The following SYNE2 variants were observed in gnomAD, a reference collection of about 807,000 sequenced individuals.
The protein encoded by SYNE2 is nesprin-2.
A neutral mutation model predicts 856.3 loss-of-function variants in SYNE2; 431 were observed. That is an observed-to-expected ratio of 0.50 (90% CI 0.47 to 0.55). The LOEUF is 0.55. SYNE2 is among the 20% of genes least tolerant of loss of function. SYNE2 has a pLI of 0.00. For synonymous variants in SYNE2, 2,923 were observed against 2,872.3 expected, an observed-to-expected ratio of 1.02 and a Z score of -0.56; for missense variants, 8,129 against 8,023.2, an observed-to-expected ratio of 1.01 and a Z score of -0.50.
intron 97 of SYNE2, among the ~76,000 whole-genome samples, chr14:64,188,203 T>C (rs2098501356): frequency 6.6e-6 from 1 of 152,238 alleles, no homozygotes; most frequent in African/African-American, 2.4e-5. Flanking sequence ...AAGGATTTGA[T>C]TCGTTGTTAT....
chr14:64,116,243 G>T (rs1461438789), intron 66 of SYNE2, among the ~76,000 whole-genome samples: 1 of 151,888 alleles, frequency 6.6e-6, no homozygotes, highest in Non-Finnish European at 1.5e-5. Flanking sequence ...TAATATTTGA[G>T]AATTGTTTAA....
At chr14:64,173,541 A>T (rs1266959527) in intron 94 of SYNE2, among the ~76,000 whole-genome samples, 1 of 152,206 alleles carries the variant, frequency 6.6e-6, no homozygotes, top group Non-Finnish European at 1.5e-5. Flanking sequence ...ATTTTGGAAA[A>T]ATGCCCACAC....
intron 85 of SYNE2, among the ~76,000 whole-genome samples, chr14:64,153,763 T>C (rs1189119816): frequency 6.6e-6 from 1 of 151,484 alleles, no homozygotes; most frequent in African/African-American, 2.4e-5. Flanking sequence ...ATAATAAAAA[T>C]ATAAAGAGAA....
rs549788566 is a variant in SYNE2, at chr14:64,029,800, C to A, written c.6715-95C>A. The A allele has an allele frequency of 1.4e-4, 190 of 1,386,284 alleles. No homozygotes were observed. The East Asian group carries it at 4.7e-3, about 34-fold the overall frequency. The allele number at this position is 1,386,284 out of a possible 1,614,324, so 85.9% of individuals were successfully genotyped here. On this transcript the variant is annotated intron_variant, in intron 43 of 115. Coordinates refer to ENST00000555002, the MANE Select transcript of SYNE2 (RefSeq NM_182914.3). ...GCCGTATTCCTGTTTCAAGATGAAA[C>A]TGGTAAACAAGTATTTATTAGTCAT...
At chr14:63,994,109 T>C (rs1434413050) in intron 22 of SYNE2, 140 bp downstream of exon 22, 4 of 835,994 alleles carry the variant, frequency 4.8e-6, no homozygotes, top group South Asian at 3.3e-5. Flanking sequence ...AGTCCCAGGG[T>C]TCATACAGAG....
chr14:64,222,803 G>T (rs1198440263), intron 112 of SYNE2, among the ~76,000 whole-genome samples: 2 of 152,086 alleles, frequency 1.3e-5, no homozygotes, highest in Non-Finnish European at 2.9e-5. Context: ...AACAATTAAA[G>T]CCCGTTTGCC....
At chr14:64,142,200 G>T in intron 82 of SYNE2, 112 bp downstream of exon 82, 1 of 1,300,450 alleles carries the variant, frequency 7.7e-7, no homozygotes, top group South Asian at 1.3e-5. Context: ...CTAATTCTAG[G>T]GGTAGGAAAC....
Position 64,087,723 on chromosome 14 carries a change from T to C in SYNE2, c.11537T>C (p.Met3846Thr), listed in dbSNP as rs2097574697. 3.1e-6 allele frequency: 5 copies of C among 1,614,080 alleles called. No homozygotes were observed. The highest frequency in any genetic ancestry group is 3.3e-4 in the Middle Eastern group (2 of 6,084). ...CACAATCTTTTACATTCAATCTTTATGGATCTAGAAGACCTGTCAATAATT... is the reference window on the plus strand; with the variant it reads ...CACAATCTTTTACATTCAATCTTTACGGATCTAGAAGACCTGTCAATAATT... ...QKHNLLHSIF[M>T]DLEDLSIIFE... Residue 3846 changes from methionine (M) to threonine (T), a missense_variant, in exon 58 of 116, where the codon ATG becomes ACG. By Grantham distance (81) the Met-to-Thr change is moderately conservative. Around this residue, in one of 3 missense-constraint regions of SYNE2, gnomAD observed 5,410 missense variants for 5,284.8 expected, o/e 1.02. Coordinates refer to ENST00000555002, the MANE Select transcript of SYNE2 (RefSeq NM_182914.3).
intron 48 of SYNE2, among the ~76,000 whole-genome samples, chr14:64,054,779 C>T (rs909754733): frequency 6.6e-6 from 1 of 152,076 alleles, no homozygotes. Context: ...GAATGTAATG[C>T]CATACATAGT....
intron 92 of SYNE2, 36 bp from the exon 93 acceptor site, chr14:64,168,841 T>C: frequency 7.2e-7 from 1 of 1,392,176 alleles, no homozygotes; most frequent in Non-Finnish European, 1.0e-6. Flanking sequence ...AAATGAATTT[T>C]ACTAGCTGAT....
At chr14:64,033,723 T>C (rs4899132) in intron 45 of SYNE2, among the ~76,000 whole-genome samples, 120,887 of 152,094 alleles carry the variant, frequency 0.79, 49,032 homozygotes, top group Non-Finnish European at 0.88. Context: ...AAATTTATTA[T>C]GCTTTTAATT....
At chr14:64,026,469 A>G (rs2096979657) in intron 41 of SYNE2, 110 bp from the exon 42 acceptor site, 2 of 845,440 alleles carry the variant, frequency 2.4e-6, no homozygotes, top group Non-Finnish European at 3.9e-6. Context: ...ATTATGTTGA[A>G]ATATACCCTA....
At chr14:63,807,513 G>T (rs760332173) in intron 1 of SYNE2, among the ~76,000 whole-genome samples, 4 of 152,020 alleles carry the variant, frequency 2.6e-5, no homozygotes, top group Non-Finnish European at 4.4e-5. Flanking sequence ...TCTGAGATTA[G>T]ATGGATTTAT....
chr14:64,084,898 G>A lies in SYNE2; in HGVS notation c.11485-2773G>A, dbSNP rs2097548659. The A allele has an allele frequency of 5.7e-6, 4 of 699,960 alleles. No homozygotes were observed. In the East Asian group the frequency reaches 8.1e-5, roughly 14 times the overall value. 43.4% of individuals were successfully genotyped at this position (699,960 alleles called of 1,614,324 possible). ...AGGCTCGACTTGTGTGAGGGAGGAG[G>A]TGGGATCTGCTTCCAAGCTCATTCC... On this transcript the variant is annotated intron_variant, in intron 57 of 115. Coordinates refer to ENST00000555002, the MANE Select transcript of SYNE2 (RefSeq NM_182914.3).
chr14:63,894,988 T>G (rs1039433627), intron 1 of SYNE2, among the ~76,000 whole-genome samples: 28 of 152,224 alleles, frequency 1.8e-4, no homozygotes, highest in African/African-American at 6.8e-4. Flanking sequence ...GCATGTTGTC[T>G]ACAAATTAGG....
chr14:64,078,621 T>A lies in SYNE2; in HGVS notation c.11163+15T>A. The A allele has an allele frequency of 6.2e-7, 1 of 1,613,212 alleles. No homozygotes were observed. Among genetic ancestry groups the A allele is most frequent in the Non-Finnish European group, 8.5e-7 (1 of 1,179,698 alleles). The stretch of plus-strand genomic sequence containing the variant: ...AAATTCAAAAGGTAAAATCCTCCTT[T>A]AACTCCCTTCAGCATTTGGTACTTC... On this transcript the variant is annotated intron_variant, in intron 55 of 115. Transcript: ENST00000555002.
chr14:64,163,560 T>C lies in SYNE2; in HGVS notation c.16458T>C (p.Leu5486=). ...CTGCTTATTTGGAAAAGATGCTGCT[T>C]GTGAAAGCAAATGAATTTGAGGTTC... is the stretch of plus-strand genomic sequence containing the variant. ...QRAAYLEKML[L]VKANEFEFVL... is the part of the protein sequence containing the mutation. The change falls in exon 89 of 116, where the codon CTT becomes CTC. Residue 5486 remains leucine, a synonymous_variant. Transcript: ENST00000555002. The C allele has an allele frequency of 2.5e-6, 4 of 1,614,156 alleles. No individual in the cohort carries two copies. Among genetic ancestry groups the C allele is most frequent in the Non-Finnish European group, 3.4e-6 (4 of 1,180,038 alleles).
chr14:63,916,648 G>A (rs545145005), intron 2 of SYNE2, among the ~76,000 whole-genome samples: 1 of 152,280 alleles, frequency 6.6e-6, no homozygotes, highest in South Asian at 2.1e-4. Flanking sequence ...GATTTCTTTA[G>A]GCTTCAGGCA....
chr14:63,821,042 A>G (rs1332775352), intron 1 of SYNE2, among the ~76,000 whole-genome samples: 3 of 152,036 alleles, frequency 2.0e-5, no homozygotes, highest in Non-Finnish European at 4.4e-5. Context: ...GCACCCGGCC[A>G]GGAGAACTTT....
Sources: allele counts gnomAD v4.1 joint callset (sites outside exome capture counted in the v4.1 genomes callset), GRCh38; gene constraint gnomAD v4.1.1; regional missense constraint gnomAD v4.1.1; transcripts MANE v1.5; gene names NCBI Gene and HGNC (gene_info 2026-07-23, HGNC 2026-07-21).